The following GRIK2 variants were observed in gnomAD, a reference collection of about 807,000 sequenced individuals.
GRIK2 encodes glutamate receptor ionotropic, kainate 2.
GRIK2 carries 32 observed loss-of-function variants against 100.3 expected under a neutral mutation model. The observed-to-expected ratio is 0.32, with a 90% CI of 0.24 to 0.43. GRIK2 has a LOEUF of 0.43. GRIK2 is among the 20% of genes least tolerant of loss of function. The probability of loss-of-function intolerance (pLI) is 1.00; values close to 1 mark genes in which losing one functional copy is unlikely to be tolerated. For synonymous variants in GRIK2, 417 were observed against 389.4 expected (o/e 1.07, Z -0.83); for missense variants, 843 against 1,114.9 (o/e 0.76, Z 3.47).
At chr6:101,596,837 T>C (rs372651858) in intron 2 of GRIK2, among the ~76,000 whole-genome samples, 1 of 151,752 alleles carries the variant, frequency 6.6e-6, no homozygotes, top group East Asian at 2.0e-4. Context: ...AAAATGTCTT[T>C]ATGTAGAACT....
intron 14 of GRIK2, among the ~76,000 whole-genome samples, chr6:101,982,647 CCTT>C (rs1793782488): frequency 2.7e-5 from 4 of 147,328 alleles, no homozygotes; most frequent in Non-Finnish European, 4.4e-5. Context: ...GCTACTACCC[CCTT>C]CTTCTTTTTT....
chr6:101,528,300 C>T (rs1487383707), intron 2 of GRIK2, among the ~76,000 whole-genome samples: 1 of 152,068 alleles, frequency 6.6e-6, no homozygotes, highest in Admixed American at 6.6e-5. Context: ...TATGTATACT[C>T]TATATTATAT....
At chr6:101,698,835 T>C in intron 7 of GRIK2, among the ~76,000 whole-genome samples, 1 of 152,132 alleles carries the variant, frequency 6.6e-6, no homozygotes, top group South Asian at 2.1e-4. Flanking sequence ...TAGAAAACAG[T>C]GCATTTAGAT....
At chr6:102,046,857 A>T (rs1770915483) in intron 15 of GRIK2, among the ~76,000 whole-genome samples, 1 of 152,212 alleles carries the variant, frequency 6.6e-6, no homozygotes, top group Non-Finnish European at 1.5e-5. Context: ...AATTATGTAT[A>T]GTATTGTTTC....
chr6:101,648,130 A>T lies in GRIK2; in HGVS notation c.541+21493A>T, dbSNP rs370978073. On this transcript the variant is annotated intron_variant, in intron 4 of 16. Coordinates refer to ENST00000369134, the MANE Select transcript of GRIK2 (RefSeq NM_021956.5). ...AGTATATTTCTAATCATTATTTTTC[A>T]TTAAATAATTATGTTTCAGACTTGC... is the stretch of plus-strand genomic sequence containing the variant. 1.6e-4 allele frequency among the ~76,000 whole-genome samples: 25 copies of T among 152,170 alleles called. No individual in the cohort carries two copies. In the East Asian group the frequency reaches 3.5e-3, roughly 21 times the overall value.
rs116202158 is a variant in GRIK2, at chr6:101,400,995, C to T, written c.115+1603C>T. Among the ~76,000 whole-genome samples the T allele has an allele frequency of 5.1e-3, 783 of 152,150 alleles. 7 individuals carry two copies. Among genetic ancestry groups the T allele is most frequent in the African/African-American group, 0.018 (734 of 41,480 alleles). On this transcript the variant is annotated intron_variant, in intron 2 of 16. Transcript: ENST00000369134. Reference sequence around the variant, plus strand: ...TTGGAAATGTGTGTGTACGCACACGCGTGTGTGTGCATGTGTGTTTTTTGT... The same window carrying T: ...TTGGAAATGTGTGTGTACGCACACGTGTGTGTGTGCATGTGTGTTTTTTGT...
intron 2 of GRIK2, among the ~76,000 whole-genome samples, chr6:101,561,294 A>T (rs1291272101): frequency 6.6e-6 from 1 of 152,070 alleles, no homozygotes; most frequent in Non-Finnish European, 1.5e-5. Flanking sequence ...AAGAAAAATC[A>T]TGAGGAAATT....
intron 2 of GRIK2, among the ~76,000 whole-genome samples, chr6:101,407,006 A>G (rs1775630982): frequency 6.6e-6 from 1 of 152,156 alleles, no homozygotes; most frequent in African/African-American, 2.4e-5. Context: ...GTCTCAGTCT[A>G]AGTCCTTGAC....
intron 2 of GRIK2, among the ~76,000 whole-genome samples, chr6:101,467,135 A>G (rs1771689435): frequency 6.6e-6 from 1 of 152,190 alleles, no homozygotes; most frequent in Admixed American, 6.5e-5. Context: ...TGTATAATTT[A>G]AAGCCATTTT....
intron 2 of GRIK2, among the ~76,000 whole-genome samples, chr6:101,426,484 T>C (rs541771179): frequency 1.3e-5 from 2 of 152,140 alleles, no homozygotes; most frequent in African/African-American, 2.4e-5. Context: ...CCCTCCTCCC[T>C]ACACTTCCCA....
intron 7 of GRIK2, among the ~76,000 whole-genome samples, chr6:101,755,271 A>G (rs1471363055): frequency 7.3e-6 from 1 of 136,992 alleles, no homozygotes; most frequent in Non-Finnish European, 1.5e-5. Context: ...GGTTCACGCC[A>G]TTCTCCTGCA....
At chr6:102,013,868 A>G (rs1047612848) in intron 14 of GRIK2, among the ~76,000 whole-genome samples, 3 of 132,794 alleles carry the variant, frequency 2.3e-5, no homozygotes, top group African/African-American at 3.3e-5. Flanking sequence ...GTGTTCATCA[A>G]GGATATTGTC....
At chr6:101,488,563 G>A (rs991124084) in intron 2 of GRIK2, among the ~76,000 whole-genome samples, 2 of 146,316 alleles carry the variant, frequency 1.4e-5, no homozygotes, top group East Asian at 1.9e-4. Flanking sequence ...TATATTGATC[G>A]ATAGATGGAT....
intron 9 of GRIK2, 46 bp from the exon 10 acceptor site, chr6:101,818,324 C>A: frequency 9.6e-7 from 1 of 1,044,676 alleles, no homozygotes; most frequent in Admixed American, 1.8e-5. Context: ...TACTCTCTAC[C>A]ACGTGCCTGA....
intron 11 of GRIK2, among the ~76,000 whole-genome samples, chr6:101,887,917 CAT>C (rs1223644662): frequency 1.3e-5 from 2 of 152,134 alleles, no homozygotes; most frequent in Non-Finnish European, 2.9e-5. Context: ...TGGGTGAAGA[CAT>C]AGAGCCAAAC....
intron 7 of GRIK2, among the ~76,000 whole-genome samples, chr6:101,733,769 G>A (rs1384332969): frequency 1.6e-5 from 2 of 124,064 alleles, no homozygotes; most frequent in Admixed American, 1.1e-4. Flanking sequence ...AATCAAATTA[G>A]CTGCTTCTTC....
chr6:102,007,196 G>A (rs1316281498), intron 14 of GRIK2, among the ~76,000 whole-genome samples: 1 of 152,082 alleles, frequency 6.6e-6, no homozygotes, highest in East Asian at 1.9e-4. Flanking sequence ...ATGAGAGTTT[G>A]TAGAAAGTCA....
intron 7 of GRIK2, among the ~76,000 whole-genome samples, chr6:101,778,725 TA>T (rs1181859750): frequency 1.3e-5 from 2 of 152,204 alleles, no homozygotes; most frequent in Non-Finnish European, 2.9e-5. Context: ...TCTGTATTTG[TA>T]CATAGTTTGG....
chr6:101,466,697 A>G (rs1771665251), intron 2 of GRIK2, among the ~76,000 whole-genome samples: 1 of 152,096 alleles, frequency 6.6e-6, no homozygotes, highest in Non-Finnish European at 1.5e-5. Flanking sequence ...TCCAGATGTC[A>G]ACCTTTATGG....
Sources: allele counts gnomAD v4.1 joint callset (sites outside exome capture counted in the v4.1 genomes callset), GRCh38; gene constraint gnomAD v4.1.1; transcripts MANE v1.5; gene names NCBI Gene and HGNC (gene_info 2026-07-23, HGNC 2026-07-21).